Variants in SNAPC3 observed in about 807,000 individuals in gnomAD.
The protein encoded by SNAPC3 is snRNA-activating protein complex subunit 3.
A neutral mutation model predicts 47.7 loss-of-function variants in SNAPC3; 56 were observed. The ratio of observed to expected loss-of-function variants is 1.18; its 90% CI spans 0.95 to 1.47. SNAPC3 has a LOEUF of 1.47. Among genes scored for constraint, SNAPC3 ranks in the 40% most tolerant of loss-of-function variants. SNAPC3 has a pLI of 0.00. For missense variants in SNAPC3, 665 were observed against 511.3 expected (o/e 1.30, Z -2.90); for synonymous variants, 235 against 189.9 (o/e 1.24, Z -1.95).
chr9:15,430,322 C>G (rs1170138000), intron 2 of SNAPC3, among the ~76,000 whole-genome samples: 1 of 152,080 alleles, frequency 6.6e-6, no homozygotes, highest in Non-Finnish European at 1.5e-5. Context: ...CTCCCAGCTA[C>G]TCAGGAAGCC....
rs190237824 is a variant in SNAPC3 at position 15,436,894 on chromosome 9, G to A, written c.477+3258G>A. On this transcript the variant is annotated intron_variant, in intron 3 of 8. Transcript: ENST00000380821. ...GCTGGAGTGCAATGGTGCGATCTTGGCTCACCGCAACCTTCGCCTCCCGGG... is the reference window on the plus strand; with the variant it reads ...GCTGGAGTGCAATGGTGCGATCTTGACTCACCGCAACCTTCGCCTCCCGGG... Among the ~76,000 whole-genome samples, 6 of 149,376 alleles carry A rather than the reference G, an allele frequency of 4.0e-5. No homozygotes were observed. The East Asian group carries it at 9.8e-4, about 24-fold the overall frequency.
intron 2 of SNAPC3, among the ~76,000 whole-genome samples, chr9:15,429,273 G>A (rs1475839569): frequency 6.6e-6 from 1 of 152,122 alleles, no homozygotes; most frequent in Non-Finnish European, 1.5e-5. Context: ...CAAGGTTATA[G>A]AAAAAGAGTT....
At chr9:15,452,581 G>C (rs1587376580) in intron 6 of SNAPC3, among the ~76,000 whole-genome samples, 1 of 150,836 alleles carries the variant, frequency 6.6e-6, no homozygotes, top group Non-Finnish European at 1.5e-5. Flanking sequence ...GCCTCCCGAA[G>C]TGCTGGGATT....
chr9:15,427,300 A>C (rs1313973769), intron 2 of SNAPC3, among the ~76,000 whole-genome samples: 1 of 152,176 alleles, frequency 6.6e-6, no homozygotes, highest in Non-Finnish European at 1.5e-5. Context: ...TGCTGCTAAA[A>C]CTTACTTGTC....
chr9:15,449,563 ATTTTTTT>A (rs568645696), intron 5 of SNAPC3, among the ~76,000 whole-genome samples: 29 of 39,500 alleles, frequency 7.3e-4, no homozygotes, highest in African/African-American at 2.1e-3. Flanking sequence ...ATATATATAT[ATTTTTTT>A]TTTTTTTTTT....
At chr9:15,442,647 C>T (rs2263946) in intron 3 of SNAPC3, among the ~76,000 whole-genome samples, 6 of 151,830 alleles carry the variant, frequency 4.0e-5, no homozygotes, top group Admixed American at 1.3e-4. Flanking sequence ...ACTTCCTAGA[C>T]GAGATGGCGG....
downstream of SNAPC3, chr9:15,461,891 T>A (rs2035247752): frequency 6.6e-6 from 1 of 152,226 alleles, no homozygotes; most frequent in African/African-American, 2.4e-5. Context: ...ATGTTATACC[T>A]AAATTTTTAC....
chr9:15,457,817 C>A, intron 7 of SNAPC3, 143 bp from the exon 8 acceptor site: 1 of 567,956 alleles, frequency 1.8e-6, no homozygotes, highest in Non-Finnish European at 3.0e-6. Flanking sequence ...CATGGCATAA[C>A]AAGTAATTCA....
At position 15,422,884 on chromosome 9, in the gene SNAPC3, C is replaced by T. The variant is rs765512146; in HGVS notation, c.5C>T (p.Ala2Val). The change falls in exon 1 of 9, where the codon GCT becomes GTT. Residue 2 changes from alanine (A) to valine (V), a missense_variant. Physicochemically the swap from Ala to Val is moderately conservative, Grantham distance 64. Transcript: ENST00000380821. M[A>V]EGSRGGPTCS... ...AGGGGAAGGAGTGGGGCGAACATGGCTGAAGGAAGCCGAGGTGGCCCTACG... is the reference window on the plus strand; with the variant it reads ...AGGGGAAGGAGTGGGGCGAACATGGTTGAAGGAAGCCGAGGTGGCCCTACG... The T allele has an allele frequency of 1.3e-6, 2 of 1,535,700 alleles. No individual in the cohort carries two copies. The highest frequency in any genetic ancestry group is 1.8e-6 in the Non-Finnish European group (2 of 1,141,264).
In SNAPC3 at chr9:15,444,765, A is replaced by C. The variant is rs958982882; in HGVS notation, c.582+59A>C. 13 of 924,898 alleles carry C rather than the reference A, an allele frequency of 1.4e-5. No individual in the cohort carries two copies. In the African/African-American group the frequency reaches 2.2e-4, roughly 15 times the overall value. 57.3% of individuals were successfully genotyped at this position (924,898 alleles called of 1,614,324 possible). The stretch of plus-strand genomic sequence containing the variant: ...ATAGTAACTTTTGTAAAAGTGTTTA[A>C]TTATTTGAAGAGTCATATTCCTATG... On this transcript the variant is annotated intron_variant, in intron 4 of 8. Transcript: ENST00000380821.
intron 7 of SNAPC3, among the ~76,000 whole-genome samples, chr9:15,454,171 A>G (rs1402644885): frequency 6.6e-6 from 1 of 151,880 alleles, no homozygotes; most frequent in Admixed American, 6.6e-5. Context: ...TCAAGGCTGC[A>G]GTGAGCTATG....
chr9:15,456,463 A>G (rs1228928060), intron 7 of SNAPC3, among the ~76,000 whole-genome samples: 1 of 152,020 alleles, frequency 6.6e-6, no homozygotes, highest in Non-Finnish European at 1.5e-5. Context: ...AAGACAAACA[A>G]TTTACACTTT....
intron 5 of SNAPC3, among the ~76,000 whole-genome samples, chr9:15,450,595 A>G (rs1419408268): frequency 2.0e-5 from 3 of 152,254 alleles, no homozygotes; most frequent in African/African-American, 7.2e-5. Context: ...TCTGACCCTC[A>G]TTCAGGAGTC....
chr9:15,456,444 T>G (rs1263141510), intron 7 of SNAPC3, among the ~76,000 whole-genome samples: 2 of 152,220 alleles, frequency 1.3e-5, no homozygotes, highest in African/African-American at 2.4e-5. Flanking sequence ...ATGATTTGTT[T>G]GAGTGTCAAA....
At chr9:15,432,542 A>G (rs374609934) in intron 2 of SNAPC3, among the ~76,000 whole-genome samples, 2 of 152,288 alleles carry the variant, frequency 1.3e-5, no homozygotes, top group Admixed American at 6.5e-5. Flanking sequence ...AATAAAAAAT[A>G]ATTTTAAAAA....
At chr9:15,458,444 G>T (rs566408723) in intron 8 of SNAPC3, among the ~76,000 whole-genome samples, 1 of 152,228 alleles carries the variant, frequency 6.6e-6, no homozygotes, top group South Asian at 2.1e-4. Flanking sequence ...AAAGGGATTT[G>T]GGAAGTCTAA....
downstream of SNAPC3, chr9:15,466,656 G>A: frequency 1.0e-6 from 1 of 965,026 alleles, no homozygotes; most frequent in Non-Finnish European, 1.5e-6. Flanking sequence ...AAAGATAACT[G>A]CTTATTATAG....
chr9:15,442,347 G>A (rs1249535127), intron 3 of SNAPC3, among the ~76,000 whole-genome samples: 2 of 151,366 alleles, frequency 1.3e-5, no homozygotes, highest in Admixed American at 6.6e-5. Flanking sequence ...GGCGGCTGCC[G>A]GGCAGAGACG....
chr9:15,430,729 G>A (rs1196717863), intron 2 of SNAPC3, among the ~76,000 whole-genome samples: 4 of 152,256 alleles, frequency 2.6e-5, no homozygotes, highest in South Asian at 2.1e-4. Context: ...ATATACAGAC[G>A]TAGGAGAGGA....
Sources: gnomAD v4.1 joint callset for allele counts (sites outside exome capture counted in the v4.1 genomes callset) on GRCh38, gnomAD v4.1.1 for gene constraint, MANE v1.5 for transcripts, NCBI Gene and HGNC (gene_info 2026-07-23, HGNC 2026-07-21) for gene names.